Variants in FAM83B observed in about 807,000 individuals in gnomAD.
The protein encoded by FAM83B is scaffolding CK1 anchoring protein B.
FAM83B carries 26 observed loss-of-function variants against 38.8 expected under a neutral mutation model. The observed-to-expected ratio is 0.67, with a 90% confidence interval of 0.49 to 0.93. The LOEUF is 0.93. Ranked by LOEUF, FAM83B falls within the 40% of genes least tolerant of loss-of-function variation. The probability of loss-of-function intolerance (pLI) is 0.00; values close to 1 mark genes in which losing one functional copy is unlikely to be tolerated. For missense variants in FAM83B, 1,237 were observed against 1,197.3 expected (o/e 1.03, Z -0.49); for synonymous variants, 419 against 423.1 (o/e 0.99, Z 0.12).
rs541890749 is a variant in FAM83B at position 54,904,593 on chromosome 6, C to A, written c.445-21778C>A. 6.6e-5 allele frequency among the ~76,000 whole-genome samples: 10 copies of A among 152,288 alleles called. No individual in the cohort carries two copies. The South Asian group carries it at 1.7e-3, about 25-fold the overall frequency. On this transcript the variant is annotated intron_variant, in intron 2 of 4. Transcript: ENST00000306858. The stretch of plus-strand genomic sequence containing the variant: ...AAATAAACATATGGATATGGCTTCA[C>A]CTCTGCCCATGCCAGTCATTACTAT...
At chr6:54,926,186 T>C (rs2127588407) in intron 2 of FAM83B, among the ~76,000 whole-genome samples, 185 bp from the exon 3 acceptor site, 1 of 152,362 alleles carries the variant, frequency 6.6e-6, no homozygotes, top group East Asian at 1.9e-4. Context: ...AATCTGCATA[T>C]AGTTATTTGC....
At chr6:54,857,312 A>C (rs953266165) in intron 1 of FAM83B, among the ~76,000 whole-genome samples, 2 of 152,206 alleles carry the variant, frequency 1.3e-5, no homozygotes, top group Non-Finnish European at 2.9e-5. Context: ...GAGGTGGGAC[A>C]GGAGGGCACA....
chr6:54,897,224 A>T (rs1311692890), intron 2 of FAM83B, among the ~76,000 whole-genome samples: 1 of 139,494 alleles, frequency 7.2e-6, no homozygotes, highest in Admixed American at 6.8e-5. Flanking sequence ...CCATGTTGTG[A>T]TCTAAAAAAA....
At chr6:54,917,367 G>C (rs561967069) in intron 2 of FAM83B, among the ~76,000 whole-genome samples, 3 of 152,242 alleles carry the variant, frequency 2.0e-5, no homozygotes, top group East Asian at 1.9e-4. Context: ...GTCTAACCCA[G>C]AGGTTTTATT....
intron 2 of FAM83B, among the ~76,000 whole-genome samples, chr6:54,914,532 T>G (rs946085939): frequency 5.3e-5 from 8 of 152,192 alleles, no homozygotes; most frequent in Admixed American, 5.2e-4. Flanking sequence ...CATCTCTCTA[T>G]TAACCTGAGG....
At chr6:54,850,568 T>C (rs539962498) in intron 1 of FAM83B, among the ~76,000 whole-genome samples, 1 of 152,314 alleles carries the variant, frequency 6.6e-6, no homozygotes, top group South Asian at 2.1e-4. Context: ...CTAAAGAGTG[T>C]CATCTTCCAT....
At chr6:54,897,755 C>T (rs925902515) in intron 2 of FAM83B, among the ~76,000 whole-genome samples, 6 of 152,246 alleles carry the variant, frequency 3.9e-5, no homozygotes, top group Admixed American at 2.6e-4. Context: ...CATGCAAGTT[C>T]ACCATCAGTA....
rs931477164 is a variant in FAM83B, at chr6:54,942,963, C to T, written c.*956C>T. On this transcript the variant is annotated 3_prime_UTR_variant, in exon 5 of 5. Coordinates refer to ENST00000306858, the MANE Select transcript of FAM83B (RefSeq NM_001010872.3). ...TGTCACCCAGGCTAGAGTGCAGTGGCGCAATCTTGGCTCACTGCAACCTCT... is the reference window on the plus strand; with the variant it reads ...TGTCACCCAGGCTAGAGTGCAGTGGTGCAATCTTGGCTCACTGCAACCTCT... Among the ~76,000 whole-genome samples the T allele has an allele frequency of 3.0e-4, 45 of 151,232 alleles. No individual in the cohort carries two copies. The highest frequency in any genetic ancestry group is 1.0e-3 in the African/African-American group (41 of 41,032).
intron 2 of FAM83B, among the ~76,000 whole-genome samples, chr6:54,912,291 A>T (rs1296323498): frequency 6.6e-6 from 1 of 151,876 alleles, no homozygotes; most frequent in Non-Finnish European, 1.5e-5. Flanking sequence ...AATTTCAATA[A>T]AATGTCAATT....
chr6:54,925,162 C>T (rs907928863), intron 2 of FAM83B, among the ~76,000 whole-genome samples: 5 of 152,066 alleles, frequency 3.3e-5, no homozygotes, highest in Admixed American at 3.3e-4. Flanking sequence ...ATGTCATTTC[C>T]TTTAAATTCT....
chr6:54,932,483 A>G (rs1333035568), intron 4 of FAM83B, among the ~76,000 whole-genome samples: 1 of 152,120 alleles, frequency 6.6e-6, no homozygotes, highest in Non-Finnish European at 1.5e-5. Context: ...TACTTTTTAT[A>G]TTTTTCACAT....
chr6:54,873,372 T>C (rs1359914074), intron 2 of FAM83B, among the ~76,000 whole-genome samples: 1 of 152,174 alleles, frequency 6.6e-6, no homozygotes, highest in African/African-American at 2.4e-5. Flanking sequence ...ATTAAGATTA[T>C]TTAGCTTATA....
chr6:54,846,949 G>A (rs1000812348), intron 1 of FAM83B, 123 bp downstream of exon 1: 2 of 152,422 alleles, frequency 1.3e-5, no homozygotes, highest in African/African-American at 4.8e-5. Context: ...CCGGCGCGGC[G>A]GACGGGAGGG....
At chr6:54,916,199 C>T (rs1773033403) in intron 2 of FAM83B, among the ~76,000 whole-genome samples, 1 of 152,120 alleles carries the variant, frequency 6.6e-6, no homozygotes, top group Admixed American at 6.6e-5. Flanking sequence ...TTTCCTTATG[C>T]AGAGGGATTT....
intron 1 of FAM83B, among the ~76,000 whole-genome samples, chr6:54,848,593 A>T: frequency 6.6e-6 from 1 of 151,952 alleles, no homozygotes; most frequent in East Asian, 1.9e-4. Context: ...TTTCTATTTT[A>T]TTTCCTCTAC....
chr6:54,880,905 G>T (rs574473938), intron 2 of FAM83B, among the ~76,000 whole-genome samples: 1 of 152,240 alleles, frequency 6.6e-6, no homozygotes, highest in African/African-American at 2.4e-5. Flanking sequence ...AGACATACAT[G>T]TATACACAAG....
At chr6:54,872,327 T>G (rs2127575751) in intron 2 of FAM83B, among the ~76,000 whole-genome samples, 1 of 152,306 alleles carries the variant, frequency 6.6e-6, no homozygotes, top group South Asian at 2.1e-4. Flanking sequence ...ATTATACAAT[T>G]GCATTTTGTA....
chr6:54,856,692 T>C (rs1771454274), intron 1 of FAM83B, among the ~76,000 whole-genome samples: 1 of 151,874 alleles, frequency 6.6e-6, no homozygotes, highest in African/African-American at 2.4e-5. Flanking sequence ...CGAACTAGAG[T>C]GGGCTAGTTT....
intron 2 of FAM83B, among the ~76,000 whole-genome samples, chr6:54,880,110 C>T (rs1004931876): frequency 6.6e-6 from 1 of 152,088 alleles, no homozygotes; most frequent in Admixed American, 6.5e-5. Flanking sequence ...TTATTGAGTC[C>T]CAGCTATGTG....
Sources: allele counts gnomAD v4.1 joint callset (sites outside exome capture counted in the v4.1 genomes callset), GRCh38; gene constraint gnomAD v4.1.1; transcripts MANE v1.5; gene names NCBI Gene and HGNC (gene_info 2026-07-23, HGNC 2026-07-21).